The following RABGAP1L variants were observed in gnomAD, a reference collection of about 807,000 sequenced individuals.
RABGAP1L encodes rab GTPase-activating protein 1-like.
Under a neutral mutation model 137.7 loss-of-function variants are expected in RABGAP1L, and 63 were observed. The observed-to-expected ratio is 0.46, with a 90% CI of 0.37 to 0.56. The LOEUF is 0.56. RABGAP1L is among the 20% of genes least tolerant of loss of function. RABGAP1L has a pLI of 0.00. For synonymous variants in RABGAP1L, 431 were observed against 433.7 expected (o/e 0.99, Z 0.08); for missense variants, 1,095 against 1,244.0 (o/e 0.88, Z 1.80).
At chr1:174,884,546 A>G (rs1654773232) in intron 19 of RABGAP1L, among the ~76,000 whole-genome samples, 1 of 152,196 alleles carries the variant, frequency 6.6e-6, no homozygotes, top group African/African-American at 2.4e-5. Context: ...GCACTATATC[A>G]ATTTCAGTTC....
At chr1:174,946,148 G>A (rs1666729127) in intron 19 of RABGAP1L, among the ~76,000 whole-genome samples, 2 of 151,340 alleles carry the variant, frequency 1.3e-5, no homozygotes, top group South Asian at 4.2e-4. Context: ...GATATCTTAG[G>A]TTCATTACCT....
chr1:174,723,274 C>T (rs1049590823), intron 17 of RABGAP1L, among the ~76,000 whole-genome samples: 1 of 152,216 alleles, frequency 6.6e-6, no homozygotes, highest in Admixed American at 6.5e-5. Context: ...AGGGTTTCAC[C>T]ATGTTGGCCA....
intron 18 of RABGAP1L, among the ~76,000 whole-genome samples, chr1:174,811,376 A>G (rs191193699): frequency 1.0e-3 from 153 of 152,260 alleles, no homozygotes; most frequent in African/African-American, 3.3e-3. Context: ...CCATCTTCCC[A>G]TTAGGTGTTT....
chr1:174,615,063 C>G (rs1288481061), intron 13 of RABGAP1L, among the ~76,000 whole-genome samples: 1 of 152,220 alleles, frequency 6.6e-6, no homozygotes, highest in Non-Finnish European at 1.5e-5. Context: ...CGTCTGAAGC[C>G]TTCTTCTCTC....
chr1:174,473,457 C>G (rs1658163442), intron 13 of RABGAP1L, among the ~76,000 whole-genome samples: 1 of 152,166 alleles, frequency 6.6e-6, no homozygotes, highest in African/African-American at 2.4e-5. Flanking sequence ...AAGTGGGAAG[C>G]AGAAATAGCA....
At chr1:174,618,319 G>T (rs892432445) in intron 13 of RABGAP1L, among the ~76,000 whole-genome samples, 1 of 152,204 alleles carries the variant, frequency 6.6e-6, no homozygotes, top group Non-Finnish European at 1.5e-5. Context: ...CGCAGCTGGA[G>T]ATCTGAGAAT....
chr1:174,654,640 AT>A (rs1056403763), intron 14 of RABGAP1L, among the ~76,000 whole-genome samples: 2 of 152,156 alleles, frequency 1.3e-5, no homozygotes, highest in African/African-American at 4.8e-5. Flanking sequence ...TTTAAAAAAA[AT>A]ATGGTGTTCT....
At position 174,424,803 on chromosome 1, in the gene RABGAP1L, A is replaced by G. The variant is rs188313137; in HGVS notation, c.1710+30658A>G. On this transcript the variant is annotated intron_variant, in intron 13 of 25. Coordinates refer to ENST00000681986, the MANE Select transcript of RABGAP1L (RefSeq NM_001366446.1). ...TGTATATCACATCATTCATGACACA[A>G]TTTATATTTTATTTGTGCACATGAT... Among the ~76,000 whole-genome samples, 148 of 152,136 alleles carry G rather than the reference A, an allele frequency of 9.7e-4. 1 individual carries two copies. Among genetic ancestry groups the G allele is most frequent in the African/African-American group, 3.4e-3 (142 of 41,556 alleles).
At chr1:174,713,894 C>G (rs1680786547) in intron 17 of RABGAP1L, among the ~76,000 whole-genome samples, 1 of 152,200 alleles carries the variant, frequency 6.6e-6, no homozygotes, top group Admixed American at 6.5e-5. Context: ...CACTTGTCTT[C>G]CTGTCATTTT....
At chr1:174,513,480 G>A (rs2147812530) in intron 13 of RABGAP1L, among the ~76,000 whole-genome samples, 2 of 152,226 alleles carry the variant, frequency 1.3e-5, no homozygotes, top group African/African-American at 2.4e-5. Flanking sequence ...CAGGCTTGGT[G>A]ATACATGCCT....
At chr1:174,743,680 C>T (rs1200510013) in intron 17 of RABGAP1L, among the ~76,000 whole-genome samples, 1 of 151,760 alleles carries the variant, frequency 6.6e-6, no homozygotes, top group Non-Finnish European at 1.5e-5. Context: ...AATAGCAAAA[C>T]TATGTTTTTT....
At chr1:174,378,186 T>C (rs977554304) in intron 12 of RABGAP1L, among the ~76,000 whole-genome samples, 3 of 149,108 alleles carry the variant, frequency 2.0e-5, no homozygotes, top group African/African-American at 7.4e-5. Flanking sequence ...AGTCTATCAT[T>C]GTTGGACATT....
intron 13 of RABGAP1L, among the ~76,000 whole-genome samples, chr1:174,542,344 T>G (rs865806753): frequency 9.8e-5 from 15 of 152,344 alleles, no homozygotes; most frequent in South Asian, 2.1e-4. Flanking sequence ...GTCGAGGAAT[T>G]TATCCATTTC....
chr1:174,707,682 C>T (rs1382582415), intron 17 of RABGAP1L, among the ~76,000 whole-genome samples: 1 of 152,144 alleles, frequency 6.6e-6, no homozygotes, highest in Non-Finnish European at 1.5e-5. Flanking sequence ...ATACAGTATT[C>T]AATTAATAAT....
At chr1:174,430,394 A>C (rs1226343704) in intron 13 of RABGAP1L, among the ~76,000 whole-genome samples, 2 of 151,898 alleles carry the variant, frequency 1.3e-5, no homozygotes, top group African/African-American at 2.4e-5. Context: ...AGGCCTTACC[A>C]CTTCTTATAG....
chr1:174,808,541 T>C (rs754397383), intron 18 of RABGAP1L, among the ~76,000 whole-genome samples: 10 of 152,172 alleles, frequency 6.6e-5, no homozygotes, highest in Admixed American at 2.0e-4. Context: ...GCAACACAGA[T>C]GCTATCACCC....
chr1:174,711,373 C>T (rs772302368), intron 17 of RABGAP1L, among the ~76,000 whole-genome samples: 77 of 152,120 alleles, frequency 5.1e-4, no homozygotes, highest in Non-Finnish European at 9.4e-4. Flanking sequence ...GTGAGGGCTG[C>T]CGGCACGCTG....
rs1482098789 is a variant in RABGAP1L, at chr1:174,378,704, A to T, written c.1559+7632A>T. Reference sequence around the variant, plus strand: ...GATATCAGTCCTTTGTCAGATGAGTAGGTTGCGAAAATTTTCTCCCATTTT... The same window carrying T: ...GATATCAGTCCTTTGTCAGATGAGTTGGTTGCGAAAATTTTCTCCCATTTT... On this transcript the variant is annotated intron_variant, in intron 12 of 25. Transcript: ENST00000681986. Among the ~76,000 whole-genome samples, 5 of 151,658 alleles carry T rather than the reference A, an allele frequency of 3.3e-5. No homozygotes were observed. In the East Asian group the frequency reaches 5.8e-4, roughly 18 times the overall value.
intron 13 of RABGAP1L, among the ~76,000 whole-genome samples, chr1:174,445,461 A>G (rs1350126053): frequency 1.3e-5 from 2 of 151,980 alleles, no homozygotes; most frequent in African/African-American, 4.8e-5. Flanking sequence ...CTCTTTTGAG[A>G]TCATATTTGA....
Sources: allele counts gnomAD v4.1 joint callset (sites outside exome capture counted in the v4.1 genomes callset), GRCh38; gene constraint gnomAD v4.1.1; transcripts MANE v1.5; gene names NCBI Gene and HGNC (gene_info 2026-07-23, HGNC 2026-07-21).